F8: variants seen among roughly 807,000 people sequenced by gnomAD.
F8 encodes coagulation factor VIII, also known as antihemophilic factor.
Under a neutral mutation model 140.6 loss-of-function variants are expected in F8, and 12 were observed. That is an observed-to-expected ratio of 0.09 (90% CI 0.05 to 0.14). The LOEUF is 0.14. Ranked by LOEUF, F8 falls within the 10% of genes least tolerant of loss-of-function variation. The pLI, the probability that F8 is intolerant of heterozygous loss-of-function variation, is 1.00. For synonymous variants in F8, 585 were observed against 614.6 expected, an observed-to-expected ratio of 0.95 and a Z score of 0.71; for missense variants, 1,354 against 1,720.7, an observed-to-expected ratio of 0.79 and a Z score of 3.77.
At chrX:155,020,483 C>T (rs1182192538) in intron 1 of F8, among the ~76,000 whole-genome samples, 4 of 111,616 alleles carry the variant, frequency 3.6e-5, no homozygotes, top group East Asian at 2.8e-4. Flanking sequence ...CCAACCTTGC[C>T]GACTCTGAAG....
intron 22 of F8, among the ~76,000 whole-genome samples, chrX:154,880,561 T>C (rs1279213381): frequency 8.9e-6 from 1 of 112,425 alleles, no homozygotes; most frequent in African/African-American, 3.2e-5. Flanking sequence ...TTTCCCACCC[T>C]AGTATGTAAG....
At position 154,947,855 on chromosome X, in the gene F8, C is replaced by G; in HGVS notation, c.1956G>C (p.Glu652Asp). ...TGCTTAGAATGTACCAGTATGCCAC[C>G]TCATGCAAACAAACTGACAACTGCA... is the stretch of plus-strand genomic sequence containing the variant. The part of the protein sequence containing the change: ...DSLQLSVCLH[E>D]VAYWYILSIG... Residue 652 changes from glutamate to aspartate, a missense_variant, in exon 13 of 26, where the codon GAG (glutamate) becomes GAC (aspartate). Coordinates refer to ENST00000360256, the MANE Select transcript of F8 (RefSeq NM_000132.4). The G allele has an allele frequency of 8.3e-7, 1 of 1,211,117 alleles. No homozygotes were observed. Among genetic ancestry groups the G allele is most frequent in the Non-Finnish European group, 1.1e-6 (1 of 895,111 alleles).
intron 6 of F8, among the ~76,000 whole-genome samples, chrX:154,974,370 G>A (rs2073474060): frequency 8.9e-6 from 1 of 112,101 alleles, no homozygotes; most frequent in East Asian, 2.8e-4. Context: ...TTTGTCAAAT[G>A]CCTTTACTGT....
chrX:154,943,502 C>T lies in F8; in HGVS notation c.2113+4196G>A, dbSNP rs2073282672. Among the ~76,000 whole-genome samples the T allele has an allele frequency of 2.7e-5, 3 of 111,395 alleles. No individual in the cohort carries two copies. In the South Asian group the frequency reaches 1.1e-3, roughly 42 times the overall value. ...CTTCAAGGAGAACTACAAACCACTG[C>T]TCAAGGAAATAAAAGAGGATACAAA... On this transcript the variant is annotated intron_variant, in intron 13 of 25. Coordinates refer to ENST00000360256, the MANE Select transcript of F8 (RefSeq NM_000132.4).
rs782539098 is a variant in F8 at position 154,860,291 on chromosome X, A to G, written c.6900+141T>C. The G allele has an allele frequency of 8.5e-6, 5 of 588,369 alleles. No individual in the cohort carries two copies. The African/African-American group carries it at 1.1e-4, about 13-fold the overall frequency. 48.5% of individuals were successfully genotyped at this position (588,369 alleles called of 1,213,427 possible). A position where few individuals can be genotyped will look rare whatever the true frequency, so the allele number is the denominator to read the frequency against. ...ACTGTGTTCTCTCAGAATGCCTTTT[A>G]CAATGTCTTGCTACCATAGGTACTT... On this transcript the variant is annotated intron_variant, in intron 25 of 25. Coordinates refer to ENST00000360256, the MANE Select transcript of F8 (RefSeq NM_000132.4).
intron 14 of F8, among the ~76,000 whole-genome samples, chrX:154,920,461 AT>A (rs1295010141): frequency 5.5e-5 from 6 of 109,193 alleles, no homozygotes; most frequent in Non-Finnish European, 9.5e-5. Context: ...ACATATTATT[AT>A]TTTTTTTGAG....
At position 154,928,621 on chromosome X, in the gene F8, C is replaced by T; in HGVS notation, c.5169G>A (p.Glu1723=). 1 of 1,211,752 alleles carries T rather than the reference C, an allele frequency of 8.3e-7. No individual in the cohort carries two copies. The change falls in exon 14 of 26, where the codon GAG becomes GAA. Residue 1723 remains glutamate (E), a synonymous_variant. Transcript: ENST00000360256. ...TACTCATCCCATAATCCCAGAGCCT[C>T]TCCACTGCAGCAATAAAATAGTGTC... The part of the protein sequence containing the change: ...KTRHYFIAAV[E]RLWDYGMSSS...
chrX:154,972,236 C>T (rs1228629279), intron 6 of F8, among the ~76,000 whole-genome samples: 1 of 111,735 alleles, frequency 8.9e-6, no homozygotes, highest in Admixed American at 9.5e-5. Flanking sequence ...TAAGTGATAT[C>T]TCATTGTAGT....
rs782054877 is a variant in F8, at chrX:154,928,589, G to T, written c.5201C>A (p.Pro1734Gln). Residue 1734 changes from proline to glutamine, a missense_variant, in exon 14 of 26, where the codon CCA becomes CAA. Around this residue, in one of 4 missense-constraint regions of F8, gnomAD observed 316 missense variants for 485.4 expected, o/e 0.65. Transcript: ENST00000360256. ...TTCATACCTGTTTCTTAGAACATGT[G>T]GGGAGCTACTCATCCCATAATCCCA... ...RLWDYGMSSS[P>Q]HVLRNRAQSG... is the part of the protein sequence containing the mutation. 4.1e-6 allele frequency: 5 copies of T among 1,206,585 alleles called. 1 individual carries two copies. The Admixed American group carries it at 6.6e-5, about 16-fold the overall frequency.
chrX:154,988,804 G>A (rs1459808458), intron 4 of F8, among the ~76,000 whole-genome samples: 2 of 111,674 alleles, frequency 1.8e-5, no homozygotes, highest in African/African-American at 6.5e-5. Context: ...AACAAAGAGT[G>A]AGCAGCAGCT....
intron 13 of F8, among the ~76,000 whole-genome samples, chrX:154,947,336 A>G (rs1569559752): frequency 9.0e-6 from 1 of 110,810 alleles, no homozygotes; most frequent in African/African-American, 3.3e-5. Context: ...GCACAATGAG[A>G]TATTTCACTC....
chrX:154,965,687 C>T, intron 9 of F8: 1 of 293,302 alleles, frequency 3.4e-6, no homozygotes, highest in South Asian at 5.4e-5. Context: ...CCATAGTCTG[C>T]TGACTCCTAT....
At chrX:154,964,386 A>G (rs1447276807) in intron 9 of F8, among the ~76,000 whole-genome samples, 1 of 112,109 alleles carries the variant, frequency 8.9e-6, no homozygotes, top group Non-Finnish European at 1.9e-5. Context: ...TAGAAAAAAT[A>G]CGTACACAAA....
chrX:154,978,817 C>T (rs781906646), intron 6 of F8, among the ~76,000 whole-genome samples: 3 of 110,676 alleles, frequency 2.7e-5, no homozygotes, highest in Admixed American at 9.5e-5. Flanking sequence ...TTTTGATTCT[C>T]GGTGAATGTA....
chrX:154,947,594 G>T, intron 13 of F8, 104 bp downstream of exon 13: 1 of 647,017 alleles, frequency 1.5e-6, no homozygotes, highest in Non-Finnish European at 2.6e-6. Context: ...CCTCAAGGAA[G>T]AAAATGCTAT....
Position 154,947,224 on chromosome X carries a change from GAA to G in F8, c.2113+472_2113+473del, listed in dbSNP as rs781928603. 1.1e-3 allele frequency among the ~76,000 whole-genome samples: 20 copies of G among 17,851 alleles called. No homozygotes were observed. The highest frequency in any genetic ancestry group is 1.9e-3 in the Non-Finnish European group (19 of 9,808). The allele number at this position is 17,851 out of a possible 115,157, so 15.5% of individuals were successfully genotyped here. A position where few individuals can be genotyped will look rare whatever the true frequency, so the allele number is the denominator to read the frequency against. On this transcript the variant is annotated intron_variant, in intron 13 of 25. Transcript: ENST00000360256. ...TGGGCTACAGAGCGAGACTCCGTCT[GAA>G]AAAAAAAAAAAAAAAAAAAAAAAGA... is the stretch of plus-strand genomic sequence containing the variant.
intron 25 of F8, among the ~76,000 whole-genome samples, chrX:154,842,001 A>G (rs1427985822): frequency 8.9e-6 from 1 of 111,871 alleles, no homozygotes; most frequent in African/African-American, 3.2e-5. Context: ...TCTCCTTTGA[A>G]AAATTGGTAG....
chrX:155,022,621 CCAG>C lies in F8; in HGVS notation c.-72_-70del. 8.3e-7 allele frequency: 1 copy of C among 1,205,735 alleles called. No homozygotes were observed. Among genetic ancestry groups the C allele is most frequent in the Non-Finnish European group, 1.1e-6 (1 of 893,304 alleles). On this transcript the variant is annotated 5_prime_UTR_variant, in exon 1 of 26. Transcript: ENST00000360256. ...TTCTTCTCTAAAATATCTTTAGCTC[CCAG>C]GAGGGGAAAAAAGTAAAATTTCTGA...
At chrX:154,928,264 T>C (rs2073170716) in intron 14 of F8, among the ~76,000 whole-genome samples, 1 of 112,014 alleles carries the variant, frequency 8.9e-6, no homozygotes, top group Admixed American at 9.5e-5. Flanking sequence ...CCTCCCCAAG[T>C]CCTTAACCTC....
Sources: allele counts gnomAD v4.1 joint callset (sites outside exome capture counted in the v4.1 genomes callset), GRCh38; gene constraint gnomAD v4.1.1; regional missense constraint gnomAD v4.1.1; transcripts MANE v1.5; gene names NCBI Gene and HGNC (gene_info 2026-07-23, HGNC 2026-07-21).